Variants in LRRC47 observed in about 807,000 individuals in gnomAD.
LRRC47 encodes leucine-rich repeat-containing protein 47.
LRRC47 carries 31 observed loss-of-function variants against 40.9 expected under a neutral mutation model. The observed-to-expected ratio is 0.76, with a 90% confidence interval of 0.57 to 1.02. LRRC47 has a LOEUF of 1.02. Ranked by LOEUF, LRRC47 falls within the 50% of genes least tolerant of loss-of-function variation. The pLI is 0.00. For missense variants in LRRC47, 726 were observed against 796.1 expected, an observed-to-expected ratio of 0.91 and a Z score of 1.06; for synonymous variants, 427 against 371.9, an observed-to-expected ratio of 1.15 and a Z score of -1.70.
At chr1:3,795,748 C>T (rs1270507790) in intron 1 of LRRC47, 114 bp downstream of exon 1, 1 of 1,337,912 alleles carries the variant, frequency 7.5e-7, no homozygotes, top group African/African-American at 1.5e-5. Flanking sequence ...TAGGAATTCC[C>T]TGGGCCCAGT....
intron 3 of LRRC47, among the ~76,000 whole-genome samples, chr1:3,784,716 C>A (rs1488319327): frequency 6.6e-6 from 1 of 152,246 alleles, no homozygotes; most frequent in South Asian, 2.1e-4. Flanking sequence ...AATGTTCAGG[C>A]CGGGTGCGGT....
At chr1:3,792,483 C>T (rs1002344541) in intron 1 of LRRC47, among the ~76,000 whole-genome samples, 6 of 90,150 alleles carry the variant, frequency 6.7e-5, no homozygotes, top group Admixed American at 2.1e-4. Flanking sequence ...TTTTTTGAGA[C>T]GCAGTCTCAC....
intron 3 of LRRC47, 37 bp downstream of exon 3, chr1:3,785,050 G>T: frequency 2.0e-6 from 3 of 1,482,182 alleles, no homozygotes; most frequent in South Asian, 2.4e-5. Context: ...ACACCAAGGA[G>T]ACTCTTCAGC....
intron 1 of LRRC47, among the ~76,000 whole-genome samples, chr1:3,795,053 C>CAAAAAAAAAAAAAAAAA (rs35186516): frequency 1.6e-5 from 1 of 61,620 alleles, no homozygotes. Flanking sequence ...GACTACATCT[C>CAAAAAAAAAAAAAAAAA]AAAAAAAAAA....
At chr1:3,788,664 C>T (rs759866191) in intron 1 of LRRC47, among the ~76,000 whole-genome samples, 1 of 152,026 alleles carries the variant, frequency 6.6e-6, no homozygotes, top group African/African-American at 2.4e-5. Context: ...TGCTCAGACA[C>T]GGGTAAGGGC....
Position 3,787,048 on chromosome 1 carries a change from C to G in LRRC47, c.878G>C (p.Gly293Ala). ...KRRERKQRRE[G>A]GDGEEQDVGD... ...CACGTCCTGCTCCTCCCCATCACCA[C>G]CTTCCCGCCTCTGCTTCCTCTCCCT... Residue 293 changes from glycine (G) to alanine (A), a missense_variant, in exon 2 of 7, where the codon GGT becomes GCT. Coordinates refer to ENST00000378251, the MANE Select transcript of LRRC47 (RefSeq NM_020710.3). 1 of 1,613,354 alleles carries G rather than the reference C, an allele frequency of 6.2e-7. No individual in the cohort carries two copies. Among genetic ancestry groups the G allele is most frequent in the Non-Finnish European group, 8.5e-7 (1 of 1,179,734 alleles).
chr1:3,789,254 C>G (rs939337711), intron 1 of LRRC47, among the ~76,000 whole-genome samples: 19 of 152,394 alleles, frequency 1.2e-4, no homozygotes, highest in African/African-American at 4.3e-4. Context: ...CCTGGGCCAC[C>G]AGCCCAGGGC....
chr1:3,795,734 C>T, intron 1 of LRRC47, 128 bp downstream of exon 1: 1 of 1,277,330 alleles, frequency 7.8e-7, no homozygotes, highest in Non-Finnish European at 1.0e-6. Context: ...TCCTTTCAGC[C>T]TTGTAGGAAT....
chr1:3,788,929 A>C (rs1012803642), intron 1 of LRRC47, among the ~76,000 whole-genome samples: 2 of 152,222 alleles, frequency 1.3e-5, no homozygotes, highest in Non-Finnish European at 2.9e-5. Context: ...GACCAAGCCC[A>C]GCTGCTGGGC....
Position 3,796,368 on chromosome 1 carries a change from C to T in LRRC47, c.109G>A (p.Ala37Thr). The T allele has an allele frequency of 1.3e-6, 2 of 1,511,900 alleles. No homozygotes were observed. The highest frequency in any genetic ancestry group is 1.2e-5 in the South Asian group (1 of 81,942). The allele number at this position is 1,511,900 out of a possible 1,614,324, so 93.7% of individuals were successfully genotyped here. ...TGPGLEERVRAAGGQLPPRLF... is the reference protein window; with the variant it reads ...TGPGLEERVRTAGGQLPPRLF... Reference sequence around the variant, plus strand: ...CGCGGCGGCAGCTGCCCACCCGCCGCCCGCACTCGCTCCTCCAGCCCGGGC... The same window carrying T: ...CGCGGCGGCAGCTGCCCACCCGCCGTCCGCACTCGCTCCTCCAGCCCGGGC... Residue 37 changes from alanine to threonine, a missense_variant, in exon 1 of 7, where the codon GCG (alanine) becomes ACG (threonine). Transcript: ENST00000378251.
rs984214589 is a variant in LRRC47 at position 3,779,153 on chromosome 1, A to C, written c.*1935T>G. 6.6e-6 allele frequency: 1 copy of C among 152,266 alleles called. No individual in the cohort carries two copies. Among genetic ancestry groups the C allele is most frequent in the Non-Finnish European group, 1.5e-5 (1 of 68,090 alleles). 9.4% of individuals were successfully genotyped at this position (152,266 alleles called of 1,614,324 possible). A position where few individuals can be genotyped will look rare whatever the true frequency, so the allele number is the denominator to read the frequency against. On this transcript the variant is annotated 3_prime_UTR_variant, in exon 7 of 7. Coordinates refer to ENST00000378251, the MANE Select transcript of LRRC47 (RefSeq NM_020710.3). ...GGCGAGACGGGAAGGCCTGGCGGTG[A>C]CCAGACAAGTGGGTCCAGGTCTCAA...
intron 1 of LRRC47, among the ~76,000 whole-genome samples, chr1:3,794,930 T>C (rs1241106978): frequency 6.6e-6 from 1 of 150,858 alleles, no homozygotes; most frequent in African/African-American, 2.4e-5. Flanking sequence ...GGTGTGCGCC[T>C]GTAAGCCCAG....
At chr1:3,790,523 T>C (rs916268224) in intron 1 of LRRC47, among the ~76,000 whole-genome samples, 2 of 151,988 alleles carry the variant, frequency 1.3e-5, no homozygotes, top group African/African-American at 4.8e-5. Flanking sequence ...TCAGGAGAGG[T>C]GTGACGTGCC....
intron 2 of LRRC47, among the ~76,000 whole-genome samples, chr1:3,786,616 G>A (rs1410120187): frequency 2.0e-5 from 3 of 152,214 alleles, no homozygotes; most frequent in African/African-American, 7.2e-5. Flanking sequence ...TCTCCACGCT[G>A]GAGACACCTG....
intron 1 of LRRC47, among the ~76,000 whole-genome samples, chr1:3,789,324 A>G (rs60946587): frequency 0.027 from 4,046 of 152,390 alleles, 86 homozygotes; most frequent in East Asian, 0.11. Flanking sequence ...GGGCACAGGC[A>G]TCTGAGGTTC....
chr1:3,779,013 A>C lies in LRRC47; in HGVS notation c.*2075T>G, dbSNP rs1306851823. 1.3e-5 allele frequency: 2 copies of C among 152,450 alleles called. No individual in the cohort carries two copies. Among genetic ancestry groups the C allele is most frequent in the Admixed American group, 1.3e-4 (2 of 15,290 alleles). 9.4% of individuals were successfully genotyped at this position (152,450 alleles called of 1,614,324 possible). The stretch of plus-strand genomic sequence containing the variant: ...TGCCTTGACTGCCCAGAGCAGCAGG[A>C]ATCAGGTTTTGGGAGGACACAAGGC... On this transcript the variant is annotated 3_prime_UTR_variant, in exon 7 of 7. Coordinates refer to ENST00000378251, the MANE Select transcript of LRRC47 (RefSeq NM_020710.3).
intron 2 of LRRC47, among the ~76,000 whole-genome samples, chr1:3,786,564 A>T (rs755373453): frequency 6.6e-6 from 1 of 152,092 alleles, no homozygotes; most frequent in Non-Finnish European, 1.5e-5. Context: ...ACCAGTGACC[A>T]GGACCAACCA....
intron 1 of LRRC47, among the ~76,000 whole-genome samples, chr1:3,795,582 C>A (rs1010071514): frequency 2.6e-5 from 4 of 152,228 alleles, no homozygotes; most frequent in African/African-American, 9.6e-5. Flanking sequence ...CTAACAATTA[C>A]AAAATAGCGT....
At chr1:3,791,098 G>A (rs970963197) in intron 1 of LRRC47, among the ~76,000 whole-genome samples, 1 of 151,934 alleles carries the variant, frequency 6.6e-6, no homozygotes, top group Non-Finnish European at 1.5e-5. Context: ...GCCCCGAGAC[G>A]ACACACGGAG....
Sources: allele counts gnomAD v4.1 joint callset (sites outside exome capture counted in the v4.1 genomes callset), GRCh38; gene constraint gnomAD v4.1.1; transcripts MANE v1.5; gene names NCBI Gene and HGNC (gene_info 2026-07-23, HGNC 2026-07-21).